HECW2: variants seen among roughly 807,000 people sequenced by gnomAD.
HECW2 encodes HECT, C2 and WW domain containing E3 ubiquitin protein ligase 2.
In HECW2, 61 loss-of-function variants were observed where a neutral mutation model predicts 175.2. That is an observed-to-expected ratio of 0.35 (90% CI 0.28 to 0.43). HECW2 has a LOEUF of 0.43. HECW2 is among the 20% of genes least tolerant of loss of function. The pLI is 1.00. For missense variants in HECW2, 1,524 were observed against 2,000.5 expected (o/e 0.76, Z 4.54); for synonymous variants, 671 against 731.0 (o/e 0.92, Z 1.32).
At position 196,194,521 on chromosome 2, in the gene HECW2, CAA is replaced by C. The variant is rs1337879496; in HGVS notation, c.*6754_*6755del. On this transcript the variant is annotated 3_prime_UTR_variant, in exon 29 of 29. Coordinates refer to ENST00000644978, the MANE Select transcript of HECW2 (RefSeq NM_001348768.2). ...CATTTCGGAATCATAAAAAATACAA[CAA>C]AAGAGTCAGGGGTTCAGTTGAGAAT... 1.3e-5 allele frequency: 2 copies of C among 151,810 alleles called. No homozygotes were observed. Among genetic ancestry groups the C allele is most frequent in the African/African-American group, 4.8e-5 (2 of 41,332 alleles). 9.4% of individuals were successfully genotyped at this position (151,810 alleles called of 1,614,324 possible). A position where few individuals can be genotyped will look rare whatever the true frequency, so the allele number is the denominator to read the frequency against.
At chr2:196,264,364 C>G (rs1689428052) in intron 17 of HECW2, among the ~76,000 whole-genome samples, 1 of 152,054 alleles carries the variant, frequency 6.6e-6, no homozygotes, top group South Asian at 2.1e-4. Context: ...CTGTTTTCTT[C>G]ATAAATATAA....
chr2:196,281,225 T>C (rs1690170929), intron 14 of HECW2, among the ~76,000 whole-genome samples: 1 of 139,858 alleles, frequency 7.2e-6, no homozygotes, highest in East Asian at 2.1e-4. Context: ...TTATCCCCAA[T>C]AGCTTTTAGG....
intron 1 of HECW2, among the ~76,000 whole-genome samples, chr2:196,582,886 G>A (rs1307759439): frequency 1.3e-5 from 2 of 152,194 alleles, no homozygotes; most frequent in African/African-American, 2.4e-5. Flanking sequence ...AAATTCCCAT[G>A]TGGCAACAAT....
intron 13 of HECW2, among the ~76,000 whole-genome samples, chr2:196,304,883 A>G (rs60792059): frequency 0.025 from 3,835 of 152,300 alleles, 76 homozygotes; most frequent in South Asian, 0.092. Context: ...CCAGTTTTAG[A>G]ACTTCTGCAG....
intron 23 of HECW2, among the ~76,000 whole-genome samples, chr2:196,223,935 G>A (rs956663379): frequency 1.3e-5 from 2 of 152,162 alleles, no homozygotes; most frequent in Non-Finnish European, 2.9e-5. Context: ...GTATAAAGAA[G>A]GATATCTAAA....
chr2:196,468,596 G>A (rs969031901), intron 1 of HECW2, among the ~76,000 whole-genome samples: 3 of 152,150 alleles, frequency 2.0e-5, no homozygotes, highest in Non-Finnish European at 4.4e-5. Flanking sequence ...TCTAAGTGAT[G>A]GTGACACTGC....
intron 4 of HECW2, among the ~76,000 whole-genome samples, chr2:196,333,516 C>A (rs1183522368): frequency 6.6e-6 from 1 of 152,192 alleles, no homozygotes; most frequent in Non-Finnish European, 1.5e-5. Context: ...TGTATATACA[C>A]ATACACCCAC....
rs1488746071 is a variant in HECW2, at chr2:196,194,200, AAAT to A, written c.*7074_*7076del. The A allele has an allele frequency of 3.3e-5, 5 of 151,550 alleles. No individual in the cohort carries two copies. The highest frequency in any genetic ancestry group is 1.3e-4 in the Admixed American group (2 of 15,240). 9.4% of individuals were successfully genotyped at this position (151,550 alleles called of 1,614,324 possible). On this transcript the variant is annotated 3_prime_UTR_variant, in exon 29 of 29. Transcript: ENST00000644978. ...CAAAATAAACAAATATTTTATTAAT[AAAT>A]AATAAAAATATAAATAAAAATAAAC...
intron 2 of HECW2, among the ~76,000 whole-genome samples, chr2:196,372,643 CCCTA>C (rs1693939376): frequency 6.6e-6 from 1 of 152,174 alleles, no homozygotes; most frequent in Admixed American, 6.5e-5. Context: ...ATTTTTTCCT[CCCTA>C]CCTAATTGTG....
chr2:196,455,928 C>G (rs922708250), intron 1 of HECW2, among the ~76,000 whole-genome samples: 1 of 151,432 alleles, frequency 6.6e-6, no homozygotes, highest in Non-Finnish European at 1.5e-5. Context: ...AATATTGAGC[C>G]CTTTAACTTT....
Position 196,320,418 on chromosome 2 carries a change from G to T in HECW2, c.906C>A (p.Asn302Lys). Residue 302 changes from asparagine to lysine, a missense_variant, in exon 8 of 29, where the codon AAC (asparagine) becomes AAA (lysine). Transcript: ENST00000644978. ...QAIGDQMLSY[N>K]LGRRLPADHV... ...GGTCAGCTGGGAGCCTTCTGCCAAG[G>T]TTGTAGCTGAGCATTTGATCACTGC... 6.2e-7 allele frequency: 1 copy of T among 1,611,718 alleles called. No homozygotes were observed. The highest frequency in any genetic ancestry group is 8.5e-7 in the Non-Finnish European group (1 of 1,178,112).
At chr2:196,272,905 T>G (rs1354433087) in intron 16 of HECW2, among the ~76,000 whole-genome samples, 1 of 151,946 alleles carries the variant, frequency 6.6e-6, no homozygotes. Context: ...AAAAAAAACC[T>G]AGACTGTTAG....
intron 2 of HECW2, among the ~76,000 whole-genome samples, chr2:196,369,002 G>T (rs1484683148): frequency 6.6e-6 from 1 of 152,086 alleles, no homozygotes; most frequent in Non-Finnish European, 1.5e-5. Context: ...CTTTGGTGAG[G>T]TCATGTTTTC....
chr2:196,430,829 A>G (rs1262009399), intron 2 of HECW2, among the ~76,000 whole-genome samples: 9 of 152,192 alleles, frequency 5.9e-5, no homozygotes, highest in Non-Finnish European at 1.3e-4. Context: ...CATATGCATA[A>G]CTGGCATCTC....
intron 1 of HECW2, among the ~76,000 whole-genome samples, chr2:196,438,842 TA>T (rs575275599): frequency 1.4e-4 from 22 of 152,236 alleles, no homozygotes; most frequent in African/African-American, 3.4e-4. Context: ...AAACTTTTTA[TA>T]ACTCTTTTTG....
chr2:196,500,300 C>T (rs1273859972), intron 1 of HECW2, among the ~76,000 whole-genome samples: 3 of 151,944 alleles, frequency 2.0e-5, no homozygotes, highest in Non-Finnish European at 4.4e-5. Flanking sequence ...TCAAAGTTTA[C>T]TTCCCCATCC....
At chr2:196,297,525 T>G (rs993525442) in intron 13 of HECW2, among the ~76,000 whole-genome samples, 3 of 152,298 alleles carry the variant, frequency 2.0e-5, no homozygotes, top group Admixed American at 2.0e-4. Flanking sequence ...TCCCCTCTCC[T>G]TTTTTTGCAG....
intron 19 of HECW2, 192 bp from the exon 20 acceptor site, chr2:196,242,396 T>A: frequency 3.2e-6 from 2 of 619,068 alleles, no homozygotes; most frequent in South Asian, 4.4e-5. Flanking sequence ...GTCCTCTTTG[T>A]GGCATTTTGG....
intron 10 of HECW2, among the ~76,000 whole-genome samples, chr2:196,315,415 C>A (rs1691658689): frequency 6.6e-6 from 1 of 152,228 alleles, no homozygotes; most frequent in African/African-American, 2.4e-5. Context: ...CCCCCACCCA[C>A]TAAATGCCAG....
Sources: allele counts gnomAD v4.1 joint callset (sites outside exome capture counted in the v4.1 genomes callset), GRCh38; gene constraint gnomAD v4.1.1; transcripts MANE v1.5; gene names NCBI Gene and HGNC (gene_info 2026-07-23, HGNC 2026-07-21).